SH3BP4: variants seen among roughly 807,000 people sequenced by gnomAD.
SH3BP4 encodes the protein SH3 domain-binding protein 4.
SH3BP4 carries 33 observed loss-of-function variants against 65.5 expected under a neutral mutation model. The observed-to-expected ratio is 0.50, with a 90% confidence interval of 0.38 to 0.67. The LOEUF is 0.67. Ranked by LOEUF, SH3BP4 falls within the 30% of genes least tolerant of loss-of-function variation. SH3BP4 has a pLI of 0.00. For missense variants in SH3BP4, 1,134 were observed against 1,261.4 expected, an observed-to-expected ratio of 0.90 and a Z score of 1.53; for synonymous variants, 552 against 545.5, an observed-to-expected ratio of 1.01 and a Z score of -0.17.
intron 1 of SH3BP4, among the ~76,000 whole-genome samples, chr2:234,968,243 G>A (rs1692889419): frequency 6.6e-6 from 1 of 152,196 alleles, no homozygotes; most frequent in Non-Finnish European, 1.5e-5. Context: ...ATGAGGTGGG[G>A]ACTGGGGGCT....
Position 235,041,103 on chromosome 2 carries a change from T to A in SH3BP4, c.334T>A (p.Leu112Met). 6.2e-7 allele frequency: 1 copy of A among 1,614,158 alleles called. No homozygotes were observed. Among genetic ancestry groups the A allele is most frequent in the East Asian group, 2.2e-5 (1 of 44,872 alleles). ...CATCCCCTCCTCCTATGTGCAGCCC[T>A]TGAACTACCGGAACTCAACACTGAG... The part of the protein sequence containing the change: ...GYIPSSYVQP[L>M]NYRNSTLSDS... The change falls in exon 4 of 6, where the codon TTG becomes ATG. Residue 112 changes from leucine to methionine, a missense_variant. Coordinates refer to ENST00000392011, the MANE Select transcript of SH3BP4 (RefSeq NM_014521.3). The surrounding 1 kb of genome is among the most constrained non-coding windows in gnomAD (Gnocchi z 6.0).
chr2:234,968,006 G>T (rs191786815), intron 1 of SH3BP4, among the ~76,000 whole-genome samples: 4 of 152,056 alleles, frequency 2.6e-5, no homozygotes, highest in Non-Finnish European at 4.4e-5. Flanking sequence ...GGAGAAGCCC[G>T]CTCCTTCCCT....
At chr2:235,040,227 A>G (rs747945836) in intron 3 of SH3BP4, among the ~76,000 whole-genome samples, 3 of 150,078 alleles carry the variant, frequency 2.0e-5, no homozygotes, top group Non-Finnish European at 2.9e-5. Flanking sequence ...GGAGTGAGAC[A>G]CTGTCTCATA....
chr2:235,027,538 G>A (rs1695041034), intron 2 of SH3BP4, among the ~76,000 whole-genome samples: 1 of 152,238 alleles, frequency 6.6e-6, no homozygotes, highest in Non-Finnish European at 1.5e-5. Context: ...GACAGAGCTG[G>A]TGACAGAAAT....
chr2:234,993,850 C>T (rs1304296908), intron 1 of SH3BP4, among the ~76,000 whole-genome samples: 5 of 152,212 alleles, frequency 3.3e-5, no homozygotes, highest in Non-Finnish European at 5.9e-5. Context: ...GATTCCTGTC[C>T]AGAAAATCAG....
chr2:234,999,018 A>G lies in SH3BP4; in HGVS notation c.-133+3642A>G, dbSNP rs571631758. ...AGCGGCTGAACGGGAAGCTGTGCTC[A>G]GCGTCTCTCCAAGCCTCTGCATTCC... On this transcript the variant is annotated intron_variant, in intron 2 of 5. Transcript: ENST00000392011. 2.0e-5 allele frequency among the ~76,000 whole-genome samples: 3 copies of G among 152,316 alleles called. No individual in the cohort carries two copies. In the South Asian group the frequency reaches 6.2e-4, roughly 32 times the overall value.
chr2:234,975,461 GATCGGGCCTA>G (rs1693141359), intron 1 of SH3BP4, among the ~76,000 whole-genome samples: 1 of 152,166 alleles, frequency 6.6e-6, no homozygotes, highest in Non-Finnish European at 1.5e-5. Context: ...TTAACCTCAG[GATCGGGCCTA>G]ATTCTAGAAT....
rs1462322070 is a variant in SH3BP4 at position 234,967,002 on chromosome 2, G to C, written c.-207+14832G>C. Among the ~76,000 whole-genome samples, 1 of 152,116 alleles carries C rather than the reference G, an allele frequency of 6.6e-6. No homozygotes were observed. The highest frequency in any genetic ancestry group is 1.5e-5 in the Non-Finnish European group (1 of 68,038). On this transcript the variant is annotated intron_variant, in intron 1 of 5. Coordinates refer to ENST00000392011, the MANE Select transcript of SH3BP4 (RefSeq NM_014521.3). This position sits in a 1 kb window ranked among gnomAD's most constrained non-coding sequence, Gnocchi z 4.6. ...GCATAACACATATATTGTGCTTATAGTAATAATAGTAATAGAATAGGGCTG... is the reference window on the plus strand; with the variant it reads ...GCATAACACATATATTGTGCTTATACTAATAATAGTAATAGAATAGGGCTG...
rs762311998 is a variant in SH3BP4, at chr2:235,041,718, A to G, written c.949A>G (p.Thr317Ala). 5 of 1,611,782 alleles carry G rather than the reference A, an allele frequency of 3.1e-6. No homozygotes were observed. The Admixed American group carries it at 5.0e-5, about 16-fold the overall frequency. Residue 317 changes from threonine to alanine, a missense_variant, in exon 4 of 6, where the codon ACA becomes GCA. By Grantham distance (58) the Thr-to-Ala change is moderately conservative (BLOSUM62 0). Transcript: ENST00000392011. This position sits in a 1 kb window ranked among gnomAD's most constrained non-coding sequence, Gnocchi z 6.0. ...PGWGQTQAVE[T>A]NIVCKLDSSG... ...TTGGGGCCAGACCCAAGCCGTGGAG[A>G]CAAACATCGTGTGCAAGCTGGATAG...
intron 1 of SH3BP4, chr2:234,981,577 G>A (rs760167294): frequency 2.0e-5 from 3 of 152,238 alleles, no homozygotes; most frequent in Non-Finnish European, 4.4e-5. Flanking sequence ...TGCATTCCTG[G>A]AGAAAGTTAA....
At position 234,952,850 on chromosome 2, in the gene SH3BP4, GAT is replaced by G. The variant is rs1301662810; in HGVS notation, c.-207+681_-207+682del. On this transcript the variant is annotated intron_variant, in intron 1 of 5. Coordinates refer to ENST00000392011, the MANE Select transcript of SH3BP4 (RefSeq NM_014521.3). The surrounding 1 kb of genome is among the most constrained non-coding windows in gnomAD (Gnocchi z 6.5). ...GATAGAGGCGCGTTGTTCTCTGAGC[GAT>G]GTTTACCGAGAAGCCCGCTCCGCGG... The G allele has an allele frequency of 6.6e-6, 1 of 152,192 alleles. No individual in the cohort carries two copies. The highest frequency in any genetic ancestry group is 1.9e-4 in the East Asian group (1 of 5,162). 9.4% of individuals were successfully genotyped at this position (152,192 alleles called of 1,614,324 possible). A position where few individuals can be genotyped will look rare whatever the true frequency, so the allele number is the denominator to read the frequency against.
At chr2:235,002,095 A>G (rs1462835873) in intron 2 of SH3BP4, among the ~76,000 whole-genome samples, 2 of 152,108 alleles carry the variant, frequency 1.3e-5, no homozygotes. Flanking sequence ...TCCTGACCTC[A>G]GGCGACCCGC....
rs573622668 is a variant in SH3BP4, at chr2:235,028,476, A to G, written c.-132-6395A>G. On this transcript the variant is annotated intron_variant, in intron 2 of 5. Coordinates refer to ENST00000392011, the MANE Select transcript of SH3BP4 (RefSeq NM_014521.3). ...AGTCTCCTGAGTATAATCCTATCAC[A>G]TCAGCCATTTGGCTCCCTTAAAGAT... Among the ~76,000 whole-genome samples the G allele has an allele frequency of 1.6e-4, 24 of 152,362 alleles. No individual in the cohort carries two copies. The South Asian group carries it at 4.6e-3, about 29-fold the overall frequency.
chr2:235,049,553 C>T (rs1036726368), intron 4 of SH3BP4, among the ~76,000 whole-genome samples: 2 of 152,208 alleles, frequency 1.3e-5, no homozygotes, highest in Non-Finnish European at 2.9e-5. Flanking sequence ...TAGGATCTGA[C>T]AGCCTACCAG....
At chr2:234,970,664 C>T (rs1162698528) in intron 1 of SH3BP4, among the ~76,000 whole-genome samples, 3 of 152,200 alleles carry the variant, frequency 2.0e-5, no homozygotes, top group East Asian at 1.9e-4. Context: ...TCGGGGCGCC[C>T]GCCTTGCATT....
At chr2:235,003,032 G>A (rs1244024532) in intron 2 of SH3BP4, among the ~76,000 whole-genome samples, 3 of 152,256 alleles carry the variant, frequency 2.0e-5, no homozygotes, top group Non-Finnish European at 4.4e-5. Context: ...GCATAGATGT[G>A]TGCCAGGAGG....
At chr2:235,031,636 C>G (rs1181167919) in intron 2 of SH3BP4, among the ~76,000 whole-genome samples, 1 of 152,230 alleles carries the variant, frequency 6.6e-6, no homozygotes, top group Non-Finnish European at 1.5e-5. Context: ...CCCTCTAGCC[C>G]CTCCACACTT....
At chr2:234,995,552 G>A (rs1693885617) in intron 2 of SH3BP4, 176 bp downstream of exon 2, 1 of 152,368 alleles carries the variant, frequency 6.6e-6, no homozygotes, top group Non-Finnish European at 1.5e-5. Flanking sequence ...AGGCACTGCA[G>A]GCCTGTCCCT....
chr2:235,024,718 T>C (rs7560619), intron 2 of SH3BP4, among the ~76,000 whole-genome samples: 17,775 of 152,174 alleles, frequency 0.12, 2,629 homozygotes, highest in African/African-American at 0.35. Context: ...CTTTAAAACA[T>C]TCCTTTGAGT....
Sources: gnomAD v4.1 joint callset for allele counts (sites outside exome capture counted in the v4.1 genomes callset) on GRCh38, gnomAD v4.1.1 for gene constraint, Gnocchi (gnomAD v3.1) non-coding constraint, MANE v1.5 for transcripts, NCBI Gene and HGNC (gene_info 2026-07-23, HGNC 2026-07-21) for gene names.